USP30: variants seen among roughly 807,000 people sequenced by gnomAD.
USP30 encodes ubiquitin carboxyl-terminal hydrolase 30.
In USP30, 41 loss-of-function variants were observed where a neutral mutation model predicts 68.2. The observed-to-expected ratio is 0.60, with a 90% confidence interval of 0.47 to 0.78. USP30 has a LOEUF of 0.78. Among genes scored for constraint, USP30 ranks in the 30% least tolerant of loss-of-function variants. The pLI is 0.00. For synonymous variants in USP30, 229 were observed against 253.7 expected (o/e 0.90, Z 0.93); for missense variants, 522 against 649.4 (o/e 0.80, Z 2.13).
intron 3 of USP30, among the ~76,000 whole-genome samples, chr12:109,032,749 G>T (rs1234001574): frequency 2.0e-5 from 3 of 152,204 alleles, no homozygotes; most frequent in South Asian, 4.1e-4. Context: ...GCACAACCCT[G>T]TGAATATACT....
chr12:109,047,311 G>C (rs1203524519), intron 3 of USP30, among the ~76,000 whole-genome samples: 1 of 152,102 alleles, frequency 6.6e-6, no homozygotes, highest in Non-Finnish European at 1.5e-5. Context: ...GTGAATCAGT[G>C]CTAAGAATGT....
At chr12:109,040,779 A>C (rs780231534) in intron 3 of USP30, among the ~76,000 whole-genome samples, 27 of 152,246 alleles carry the variant, frequency 1.8e-4, no homozygotes, top group Non-Finnish European at 3.5e-4. Context: ...TCCCAGAGCA[A>C]GTGTTTCAAG....
At chr12:109,041,271 A>G (rs1371048808) in intron 3 of USP30, among the ~76,000 whole-genome samples, 1 of 152,068 alleles carries the variant, frequency 6.6e-6, no homozygotes, top group East Asian at 1.9e-4. Flanking sequence ...TAAATTAACA[A>G]CAAATAGGAG....
chr12:109,039,348 T>C (rs1222488177), intron 3 of USP30, among the ~76,000 whole-genome samples: 1 of 152,228 alleles, frequency 6.6e-6, no homozygotes, highest in Non-Finnish European at 1.5e-5. Flanking sequence ...ATGGTTTATT[T>C]TGGCCATAGA....
intron 2 of USP30, among the ~76,000 whole-genome samples, 194 bp downstream of exon 2, chr12:109,056,985 A>G (rs953332732): frequency 2.0e-5 from 3 of 152,212 alleles, no homozygotes; most frequent in African/African-American, 4.8e-5. Context: ...TTTCTATTTC[A>G]GCCCCTCTCC....
upstream of USP30, among the ~76,000 whole-genome samples, chr12:109,048,392 A>G (rs567857013): frequency 5.4e-4 from 80 of 148,426 alleles, no homozygotes; most frequent in Non-Finnish European, 9.7e-4. Context: ...GGCCTGCTTC[A>G]GTATTGTTGG....
At chr12:109,067,711 C>G in intron 4 of USP30, 84 bp downstream of exon 4, 1 of 1,182,566 alleles carries the variant, frequency 8.5e-7, no homozygotes. Context: ...TGCCTGGCCC[C>G]AGTGTACATT....
intron 3 of USP30, among the ~76,000 whole-genome samples, chr12:109,033,928 G>A (rs1419317153): frequency 6.6e-6 from 1 of 152,218 alleles, no homozygotes; most frequent in Non-Finnish European, 1.5e-5. Flanking sequence ...AAAAAGGGCA[G>A]AGAGAAAAAC....
intron 7 of USP30, among the ~76,000 whole-genome samples, chr12:109,080,206 C>T (rs916001776): frequency 2.0e-5 from 3 of 152,160 alleles, no homozygotes. Context: ...TCCTTTCTTC[C>T]TGGCATTTCC....
chr12:109,056,926 A>C, intron 2 of USP30, 135 bp downstream of exon 2: 1 of 549,990 alleles, frequency 1.8e-6, no homozygotes, highest in East Asian at 3.2e-5. Context: ...CAGGTTTTCA[A>C]ACAGTACTTT....
At chr12:109,039,302 T>G (rs969119644) in intron 3 of USP30, among the ~76,000 whole-genome samples, 1 of 152,218 alleles carries the variant, frequency 6.6e-6, no homozygotes. Context: ...ATAGTGTACC[T>G]TCTATATTTT....
intron 3 of USP30, among the ~76,000 whole-genome samples, chr12:109,032,143 CA>C (rs1262380969): frequency 3.2e-4 from 45 of 139,830 alleles, no homozygotes; most frequent in South Asian, 4.6e-4. Context: ...CCCGTCTCTA[CA>C]AAAAAAAAAA....
In USP30 at chr12:109,077,483, T is replaced by C. The variant is rs750544906; in HGVS notation, c.721-3851T>C. 5.3e-5 allele frequency among the ~76,000 whole-genome samples: 8 copies of C among 152,262 alleles called. No homozygotes were observed. The South Asian group carries it at 1.7e-3, about 32-fold the overall frequency. The stretch of plus-strand genomic sequence containing the variant: ...CTTGACTTGAAGTCTATTTGAATGA[T>C]TCATTTTTAATCTAGCTAATGTTTA... On this transcript the variant is annotated intron_variant, in intron 7 of 12. Coordinates refer to ENST00000257548, the MANE Select transcript of USP30 (RefSeq NM_032663.5).
At chr12:109,023,799 AT>A (rs1220142007) in intron 1 of USP30, among the ~76,000 whole-genome samples, 2 of 150,486 alleles carry the variant, frequency 1.3e-5, no homozygotes, top group African/African-American at 4.9e-5. Flanking sequence ...TGCCTGGCTA[AT>A]TTTTTTGTAT....
chr12:109,085,941 C>T lies in USP30; in HGVS notation c.*10C>T. ...CAAGTCTGAAGAATGACTGTGCCCT[C>T]CTGCAAGGCTAGAGCTGATGGCACT... On this transcript the variant is annotated 3_prime_UTR_variant, in exon 13 of 13. Transcript: ENST00000257548. The T allele has an allele frequency of 6.2e-7, 1 of 1,611,072 alleles. No homozygotes were observed. The highest frequency in any genetic ancestry group is 1.7e-5 in the Admixed American group (1 of 59,670).
intron 3 of USP30, among the ~76,000 whole-genome samples, chr12:109,038,680 T>C (rs1398265829): frequency 6.6e-6 from 1 of 152,230 alleles, no homozygotes; most frequent in Non-Finnish European, 1.5e-5. Flanking sequence ...TGTTTCTCTT[T>C]ATATGAATCT....
intron 3 of USP30, chr12:109,060,140 G>T (rs1194007779): frequency 6.6e-6 from 1 of 152,046 alleles, no homozygotes; most frequent in African/African-American, 2.4e-5. Flanking sequence ...TTTAATTTGG[G>T]TGAGGGCATA....
chr12:109,044,323 C>A (rs2040585409), intron 3 of USP30, among the ~76,000 whole-genome samples: 1 of 152,126 alleles, frequency 6.6e-6, no homozygotes, highest in Non-Finnish European at 1.5e-5. Flanking sequence ...GAATGTCTTT[C>A]AATACCACTG....
At chr12:109,066,932 TTGA>T (rs1459847270) in intron 3 of USP30, among the ~76,000 whole-genome samples, 1 of 152,112 alleles carries the variant, frequency 6.6e-6, no homozygotes, top group Non-Finnish European at 1.5e-5. Context: ...CAAATTTATA[TTGA>T]TGATGATAGT....
Sources: gnomAD v4.1 joint callset for allele counts (sites outside exome capture counted in the v4.1 genomes callset) on GRCh38, gnomAD v4.1.1 for gene constraint, MANE v1.5 for transcripts, NCBI Gene and HGNC (gene_info 2026-07-23, HGNC 2026-07-21) for gene names.